The following SEMA3A variants were observed in gnomAD, a reference collection of about 807,000 sequenced individuals.
SEMA3A encodes the protein semaphorin 3A.
SEMA3A carries 29 observed loss-of-function variants against 97.9 expected under a neutral mutation model. The observed-to-expected ratio is 0.30, with a 90% confidence interval of 0.22 to 0.40. The LOEUF is 0.40. SEMA3A is among the 10% of genes least tolerant of loss of function. The pLI, the probability that SEMA3A is intolerant of heterozygous loss-of-function variation, is 1.00. For missense variants in SEMA3A, 763 were observed against 951.3 expected, an observed-to-expected ratio of 0.80 and a Z score of 2.60; for synonymous variants, 321 against 323.7, an observed-to-expected ratio of 0.99 and a Z score of 0.09.
At chr7:84,141,167 G>A (rs1796281185) in intron 1 of SEMA3A, among the ~76,000 whole-genome samples, 1 of 152,046 alleles carries the variant, frequency 6.6e-6, no homozygotes. Context: ...AATACCAATG[G>A]GCATCTATAT....
chr7:84,133,271 A>G (rs534009381), intron 2 of SEMA3A, among the ~76,000 whole-genome samples: 1 of 152,306 alleles, frequency 6.6e-6, no homozygotes, highest in Non-Finnish European at 1.5e-5. Flanking sequence ...ATGACTCTAT[A>G]TATAATGAAT....
intron 3 of SEMA3A, among the ~76,000 whole-genome samples, chr7:84,209,090 T>C (rs571184097): frequency 2.0e-5 from 3 of 152,366 alleles, no homozygotes; most frequent in East Asian, 1.9e-4. Context: ...ATTTCATGTA[T>C]GCTATGGAAG....
At chr7:84,156,336 G>A (rs1796845438) in intron 1 of SEMA3A, among the ~76,000 whole-genome samples, 1 of 152,020 alleles carries the variant, frequency 6.6e-6, no homozygotes, top group Admixed American at 6.5e-5. Context: ...TACCTTATAT[G>A]ACAAAAGTAA....
At chr7:83,967,638 C>T (rs1562944887) in intron 15 of SEMA3A, among the ~76,000 whole-genome samples, 1 of 151,970 alleles carries the variant, frequency 6.6e-6, no homozygotes, top group Non-Finnish European at 1.5e-5. Flanking sequence ...ACCTACAATC[C>T]CAGCTACTCT....
chr7:84,418,303 TG>T (rs1256756846), intron 1 of SEMA3A, among the ~76,000 whole-genome samples: 7 of 152,150 alleles, frequency 4.6e-5, no homozygotes, highest in Admixed American at 3.9e-4. Context: ...TCTGACATGC[TG>T]GCAGACAAAA....
chr7:84,289,817 C>T (rs1800696830), intron 3 of SEMA3A, among the ~76,000 whole-genome samples: 1 of 152,066 alleles, frequency 6.6e-6, no homozygotes, highest in African/African-American at 2.4e-5. Flanking sequence ...AAAGCTTATA[C>T]ATGAATATTC....
At chr7:84,025,962 T>C (rs761303869) in intron 6 of SEMA3A, among the ~76,000 whole-genome samples, 1 of 152,230 alleles carries the variant, frequency 6.6e-6, no homozygotes, top group East Asian at 1.9e-4. Flanking sequence ...TTCTACACTA[T>C]TTGGTTATTT....
intron 1 of SEMA3A, among the ~76,000 whole-genome samples, chr7:84,480,747 A>G (rs1244408049): frequency 6.6e-6 from 1 of 152,156 alleles, no homozygotes; most frequent in Non-Finnish European, 1.5e-5. Flanking sequence ...GAACTTTATC[A>G]ATTTAAGGAT....
At chr7:84,479,684 A>G (rs1237022863) in intron 1 of SEMA3A, among the ~76,000 whole-genome samples, 1 of 152,216 alleles carries the variant, frequency 6.6e-6, no homozygotes, top group East Asian at 1.9e-4. Flanking sequence ...ATGTTTGTCA[A>G]AGAGCTATAT....
At chr7:84,417,566 G>T (rs922496124) in intron 1 of SEMA3A, among the ~76,000 whole-genome samples, 1 of 151,976 alleles carries the variant, frequency 6.6e-6, no homozygotes, top group Non-Finnish European at 1.5e-5. Flanking sequence ...ATTTTTTAGT[G>T]ACTTTACCTA....
In SEMA3A at chr7:84,188,393, G is replaced by A. The variant is rs193131362; in HGVS notation, c.112+6082C>T. Among the ~76,000 whole-genome samples, 5 of 152,082 alleles carry A rather than the reference G, an allele frequency of 3.3e-5. No individual in the cohort carries two copies. In the East Asian group the frequency reaches 7.7e-4, roughly 24 times the overall value. ...TATGTCTTGGCAATAGTGGGAGATA[G>A]TAGCTGGAGACATTCATACTTATTT... is the stretch of plus-strand genomic sequence containing the variant. On this transcript the variant is annotated intron_variant, in intron 1 of 16. Coordinates refer to ENST00000265362, the MANE Select transcript of SEMA3A (RefSeq NM_006080.3).
At chr7:83,979,673 C>T (rs371541022) in intron 14 of SEMA3A, among the ~76,000 whole-genome samples, 1 of 151,938 alleles carries the variant, frequency 6.6e-6, no homozygotes, top group African/African-American at 2.4e-5. Flanking sequence ...TACCTCAATT[C>T]TGAATGTTAA....
At position 84,436,129 on chromosome 7, in the gene SEMA3A, T is replaced by C. The variant is rs114047306; in HGVS notation, c.-246+56331A>G. Among the ~76,000 whole-genome samples the C allele has an allele frequency of 3.9e-3, 596 of 152,306 alleles. 6 individuals are homozygous for C. Among genetic ancestry groups the C allele is most frequent in the African/African-American group, 0.014 (573 of 41,574 alleles). On this transcript the variant is annotated intron_variant, in intron 1 of 3. Transcript: ENST00000424555. ...GTGTTGGGATAACTGGCTAGCTATA[T>C]GCAGAATATTGAAACTGGACCCCTA...
chr7:84,425,041 T>G (rs1369965017), intron 1 of SEMA3A, among the ~76,000 whole-genome samples: 1 of 103,990 alleles, frequency 9.6e-6, no homozygotes, highest in East Asian at 3.1e-4. Context: ...TATTTATAAT[T>G]ATATATAATT....
At chr7:84,203,502 G>GTGTGTGTATA (rs1348437430) in intron 3 of SEMA3A, among the ~76,000 whole-genome samples, 2 of 56,998 alleles carry the variant, frequency 3.5e-5, no homozygotes, top group African/African-American at 1.4e-4. Flanking sequence ...TTGTGTGTGT[G>GTGTGTGTATA]TATATATATA....
intron 2 of SEMA3A, among the ~76,000 whole-genome samples, chr7:84,370,287 C>T (rs1164025532): frequency 6.6e-6 from 1 of 151,542 alleles, no homozygotes; most frequent in East Asian, 1.9e-4. Flanking sequence ...GAGTCACAAT[C>T]CATAAACTTT....
chr7:84,288,854 C>T (rs1800664608), intron 3 of SEMA3A, among the ~76,000 whole-genome samples: 1 of 152,084 alleles, frequency 6.6e-6, no homozygotes, highest in Non-Finnish European at 1.5e-5. Context: ...AGCAATCCCA[C>T]TACTGGGTAC....
chr7:84,429,659 T>C (rs1804926580), intron 1 of SEMA3A, among the ~76,000 whole-genome samples: 1 of 148,884 alleles, frequency 6.7e-6, no homozygotes, highest in Admixed American at 6.8e-5. Context: ...CCCCTAAAAA[T>C]AGAAAGATAG....
intron 3 of SEMA3A, among the ~76,000 whole-genome samples, chr7:84,238,720 T>C (rs76609001): frequency 7.9e-6 from 1 of 126,434 alleles, no homozygotes; most frequent in Non-Finnish European, 1.8e-5. Context: ...ACTACAATAA[T>C]TTTTTTTTTT....
Sources: allele counts gnomAD v4.1 joint callset (sites outside exome capture counted in the v4.1 genomes callset), GRCh38; gene constraint gnomAD v4.1.1; transcripts MANE v1.5; gene names NCBI Gene and HGNC (gene_info 2026-07-23, HGNC 2026-07-21).